The following ERICH6 variants were observed in gnomAD, a reference collection of about 807,000 sequenced individuals.
ERICH6 encodes the protein glutamate-rich protein 6.
In ERICH6, 71 loss-of-function variants were observed where a neutral mutation model predicts 71.0. The ratio of observed to expected loss-of-function variants is 1.00; its 90% CI spans 0.83 to 1.22. The LOEUF is 1.22. ERICH6 is among the 50% of genes most tolerant of loss of function. ERICH6 has a pLI of 0.00. For missense variants in ERICH6, 808 were observed against 797.2 expected (o/e 1.01, Z -0.16); for synonymous variants, 262 against 278.4 (o/e 0.94, Z 0.59).
intron 10 of ERICH6, among the ~76,000 whole-genome samples, chr3:150,677,568 T>C (rs997708866): frequency 1.3e-5 from 2 of 151,802 alleles, no homozygotes; most frequent in Non-Finnish European, 2.9e-5. Flanking sequence ...ACAATCTCGG[T>C]TCACTGCAAC....
rs762270129 is a variant in ERICH6 at position 150,703,735 on chromosome 3, ACCTCCT to A, written c.158_163del (p.Glu53_Glu54del). 1.9e-5 allele frequency: 29 copies of A among 1,555,322 alleles called. No homozygotes were observed. The Middle Eastern group carries it at 5.3e-4, about 28-fold the overall frequency. On this transcript the variant is annotated inframe_deletion, in exon 1 of 14. Transcript: ENST00000295910. ...TTCCCCCACCAACTCCTCCTCCACC[ACCTCCT>A]CCTCCTCCTCCTCCACCTCTTCCTC...
rs200581445 is a variant in ERICH6, at chr3:150,669,371, G to A, written c.1424C>T (p.Pro475Leu). 6.5e-5 allele frequency: 105 copies of A among 1,613,660 alleles called. 1 individual carries two copies. Among genetic ancestry groups the A allele is most frequent in the East Asian group, 2.9e-4 (13 of 44,842 alleles). ...GFTCIVQEDM[P>L]TNPAILAVLD... ...CACTGCTAGGATAGCAGGGTTAGTGGGCATATCTTCTTGGACTATACAAGT... is the reference window on the plus strand; with the variant it reads ...CACTGCTAGGATAGCAGGGTTAGTGAGCATATCTTCTTGGACTATACAAGT... The change falls in exon 12 of 14, where the codon CCC becomes CTC. Residue 475 changes from proline (P) to leucine (L), a missense_variant. Pro to Leu is a moderately conservative substitution (Grantham distance 98). Transcript: ENST00000295910.
intron 3 of ERICH6, among the ~76,000 whole-genome samples, chr3:150,694,323 G>A (rs1433186213): frequency 6.6e-6 from 1 of 152,010 alleles, no homozygotes. Context: ...GAAGAAATGT[G>A]AATGAAAAAT....
chr3:150,689,972 T>A (rs904239752), intron 3 of ERICH6, among the ~76,000 whole-genome samples: 1 of 152,188 alleles, frequency 6.6e-6, no homozygotes, highest in Non-Finnish European at 1.5e-5. Context: ...TACTCTTGGG[T>A]TTTTTAAGAC....
intron 11 of ERICH6, among the ~76,000 whole-genome samples, chr3:150,672,933 G>A (rs1163820463): frequency 1.3e-5 from 2 of 151,882 alleles, no homozygotes; most frequent in Admixed American, 6.6e-5. Flanking sequence ...GCTGAGTTGG[G>A]GGGACTGCTT....
At chr3:150,672,231 A>T (rs1711507764) in intron 11 of ERICH6, among the ~76,000 whole-genome samples, 1 of 149,458 alleles carries the variant, frequency 6.7e-6, no homozygotes, top group Non-Finnish European at 1.5e-5. Flanking sequence ...GGAGTCAGAA[A>T]ATATGAATAA....
chr3:150,703,131 TTAC>T (rs1712980146), intron 1 of ERICH6, among the ~76,000 whole-genome samples: 2 of 151,808 alleles, frequency 1.3e-5, no homozygotes, highest in South Asian at 4.2e-4. Flanking sequence ...GTAGTTCCAG[TTAC>T]TCGAGAGGCT....
intron 8 of ERICH6, 79 bp from the exon 9 acceptor site, chr3:150,680,617 T>C: frequency 6.3e-7 from 1 of 1,580,982 alleles, no homozygotes; most frequent in Non-Finnish European, 8.7e-7. Flanking sequence ...ATTCAGCTGC[T>C]TAAATGCCAT....
At chr3:150,686,501 T>G in intron 3 of ERICH6, 147 bp from the exon 4 acceptor site, 1 of 693,250 alleles carries the variant, frequency 1.4e-6, no homozygotes. Context: ...AAATAACATT[T>G]TGCCGACAAT....
intron 2 of ERICH6, among the ~76,000 whole-genome samples, chr3:150,700,932 C>A (rs1439953396): frequency 6.6e-6 from 1 of 152,172 alleles, no homozygotes; most frequent in Non-Finnish European, 1.5e-5. Context: ...ATTATATTTT[C>A]TTGTCCATAG....
intron 3 of ERICH6, among the ~76,000 whole-genome samples, chr3:150,694,910 C>T (rs58536103): frequency 0.17 from 25,531 of 152,040 alleles, 2,348 homozygotes; most frequent in East Asian, 0.35. Flanking sequence ...ATCAAGGTGC[C>T]GGTAGATTTG....
At chr3:150,703,136 C>G (rs1021187378) in intron 1 of ERICH6, among the ~76,000 whole-genome samples, 2 of 151,484 alleles carry the variant, frequency 1.3e-5, no homozygotes, top group Non-Finnish European at 2.9e-5. Flanking sequence ...TCCAGTTACT[C>G]GAGAGGCTGC....
chr3:150,672,700 A>G (rs1273290046), intron 11 of ERICH6, among the ~76,000 whole-genome samples: 2 of 150,874 alleles, frequency 1.3e-5, no homozygotes, highest in African/African-American at 4.9e-5. Context: ...CTCCATAGGA[A>G]TTGTGTTCAG....
chr3:150,698,876 A>T lies in ERICH6; in HGVS notation c.468T>A (p.Ile156=). 6.2e-7 allele frequency: 1 copy of T among 1,613,544 alleles called. No homozygotes were observed. The highest frequency in any genetic ancestry group is 1.3e-5 in the African/African-American group (1 of 75,040). Residue 156 remains isoleucine, a synonymous_variant, in exon 3 of 14, where the codon ATT becomes ATA. Coordinates refer to ENST00000295910, the MANE Select transcript of ERICH6 (RefSeq NM_152394.5). ...GAATTCCTGGAGACAAATTGCGATGAATATTTCTGAAATTTCGACAAAAAT... is the reference window on the plus strand; with the variant it reads ...GAATTCCTGGAGACAAATTGCGATGTATATTTCTGAAATTTCGACAAAAAT... ...DMSEMSIDRN[I]HRNLSPGIPV...
At chr3:150,665,076 A>G (rs1165539324) in intron 13 of ERICH6, among the ~76,000 whole-genome samples, 1 of 152,054 alleles carries the variant, frequency 6.6e-6, no homozygotes, top group Non-Finnish European at 1.5e-5. Flanking sequence ...TGTATTTACT[A>G]TGGATGTAAT....
rs566378378 is a variant in ERICH6, at chr3:150,703,875, G to T, written c.24C>A (p.Ser8Arg). The stretch of plus-strand genomic sequence containing the variant: ...CCTTCTTCCCCGGGTCTCCGAAGCC[G>T]CTAGGCGAGCGCAAGTGGGCCATGG... Reference protein sequence around the residue: MAHLRSPSGFGDPGKKDQ... With the variant: MAHLRSPRGFGDPGKKDQ... The change falls in exon 1 of 14, where the codon AGC becomes AGA. Residue 8 changes from serine to arginine, a missense_variant. This residue lies in a region of ERICH6 where 53 missense variants were observed against 40.6 expected (regional missense o/e 1.30). Coordinates refer to ENST00000295910, the MANE Select transcript of ERICH6 (RefSeq NM_152394.5). 6.2e-7 allele frequency: 1 copy of T among 1,613,200 alleles called. No homozygotes were observed. Among genetic ancestry groups the T allele is most frequent in the Non-Finnish European group, 8.5e-7 (1 of 1,179,784 alleles).
chr3:150,670,416 A>G (rs371874003), intron 11 of ERICH6, among the ~76,000 whole-genome samples: 46 of 141,030 alleles, frequency 3.3e-4, no homozygotes, highest in African/African-American at 1.2e-3. Context: ...TGGGAGGCGG[A>G]GGTTGCAGTG....
chr3:150,666,380 G>A (rs1333185015), intron 13 of ERICH6, among the ~76,000 whole-genome samples: 1 of 152,188 alleles, frequency 6.6e-6, no homozygotes, highest in Non-Finnish European at 1.5e-5. Context: ...TAGGAGGTCT[G>A]GGAAGTGTCT....
intron 1 of ERICH6, among the ~76,000 whole-genome samples, chr3:150,702,889 AGTGT>A (rs10663390): frequency 9.7e-5 from 11 of 113,444 alleles, no homozygotes; most frequent in African/African-American, 1.4e-4. Flanking sequence ...AAATAATATG[AGTGT>A]GTGTGTGTGT....
Sources: allele counts gnomAD v4.1 joint callset (sites outside exome capture counted in the v4.1 genomes callset), GRCh38; gene constraint gnomAD v4.1.1; regional missense constraint gnomAD v4.1.1; transcripts MANE v1.5; gene names NCBI Gene and HGNC (gene_info 2026-07-23, HGNC 2026-07-21).